The following POLH variants were observed in gnomAD, a reference collection of about 807,000 sequenced individuals.
POLH encodes DNA polymerase eta, also known as DNA polymerase eta transcript.
A neutral mutation model predicts 73.6 loss-of-function variants in POLH; 53 were observed. The observed-to-expected ratio is 0.72, with a 90% CI of 0.58 to 0.91. The LOEUF is 0.91. Among genes scored for constraint, POLH ranks in the 40% least tolerant of loss-of-function variants. POLH has a pLI of 0.00. For missense variants in POLH, 768 were observed against 865.4 expected (o/e 0.89, Z 1.41); for synonymous variants, 292 against 308.5 (o/e 0.95, Z 0.56).
rs892095647 is a variant in POLH, at chr6:43,620,459, A to G, written c.*5902A>G. 18 of 365,130 alleles carry G rather than the reference A, an allele frequency of 4.9e-5. No individual in the cohort carries two copies. The highest frequency in any genetic ancestry group is 3.9e-4 in the South Asian group (18 of 46,696). The allele number at this position is 365,130 out of a possible 1,614,324, so 22.6% of individuals were successfully genotyped here. The stretch of plus-strand genomic sequence containing the variant: ...GAAGAGGTATCTAGCCCTGGAAGGA[A>G]GCTGAGCCTGTAGCTAACGCATAAG... On this transcript the variant is annotated 3_prime_UTR_variant, in exon 11 of 11. Coordinates refer to ENST00000372236, the MANE Select transcript of POLH (RefSeq NM_006502.3).
Position 43,614,139 on chromosome 6 carries a change from T to C in POLH, c.1724T>C (p.Val575Ala). The stretch of plus-strand genomic sequence containing the variant: ...TTACCAACAGAGTATCCAGGGTGTG[T>C]CCCTGTTTGTGAAGGGGTGTCGAAG... ...NSLPTEYPGC[V>A]PVCEGVSKLE... The change falls in exon 11 of 11, where the codon GTC (valine) becomes GCC (alanine). Residue 575 changes from valine (V) to alanine (A), a missense_variant. Val to Ala is a moderately conservative substitution (Grantham distance 64). Transcript: ENST00000372236. 1.9e-6 allele frequency: 3 copies of C among 1,614,224 alleles called. No homozygotes were observed. The highest frequency in any genetic ancestry group is 2.5e-6 in the Non-Finnish European group (3 of 1,180,046).
intron 6 of POLH, among the ~76,000 whole-genome samples, chr6:43,602,392 A>G (rs1294066705): frequency 1.3e-5 from 2 of 152,250 alleles, no homozygotes; most frequent in African/African-American, 2.4e-5. Context: ...CAGTAGAACA[A>G]ACTTCACAAA....
intron 5 of POLH, 119 bp from the exon 6 acceptor site, chr6:43,600,868 TG>T (rs1351603716): frequency 7.9e-6 from 6 of 759,046 alleles, no homozygotes; most frequent in Admixed American, 3.8e-5. Context: ...TTGTTTTTAA[TG>T]TAGAAACCAT....
chr6:43,579,705 G>C (rs1763792487), intron 1 of POLH, among the ~76,000 whole-genome samples: 1 of 152,116 alleles, frequency 6.6e-6, no homozygotes, highest in African/African-American at 2.4e-5. Flanking sequence ...AGAAGTAGGG[G>C]GCAGTCTTGT....
Position 43,604,717 on chromosome 6 carries a change from A to T in POLH, c.987A>T (p.Thr329=). ...IGCSKNFPGK[T]ALATREQVQW... is the part of the protein sequence containing the mutation. ...GTAGTAAGAACTTCCCAGGAAAAAC[A>T]GCTCTTGCTACTCGGGAACAGGTAA... is the stretch of plus-strand genomic sequence containing the variant. Residue 329 remains threonine (T), a synonymous_variant, in exon 8 of 11, where the codon ACA becomes ACT. Coordinates refer to ENST00000372236, the MANE Select transcript of POLH (RefSeq NM_006502.3). 1 of 1,614,160 alleles carries T rather than the reference A, an allele frequency of 6.2e-7. No homozygotes were observed. The highest frequency in any genetic ancestry group is 8.5e-7 in the Non-Finnish European group (1 of 1,180,010).
chr6:43,605,443 CTTTTTTTTTTTTTT>C (rs540143863), intron 9 of POLH, 124 bp downstream of exon 9: 10 of 296,254 alleles, frequency 3.4e-5, no homozygotes, highest in African/African-American at 3.2e-4. Flanking sequence ...CGTTTTCTTT[CTTTTTTTTTTTTTT>C]TTTTTTTTTT....
chr6:43,578,482 T>G (rs1274997760), intron 1 of POLH: 1 of 422,290 alleles, frequency 2.4e-6, no homozygotes, highest in Non-Finnish European at 4.7e-6. Context: ...ATCAGTAGTA[T>G]TTAAAGCAGC....
At chr6:43,584,970 G>A (rs1764641747) in intron 3 of POLH, among the ~76,000 whole-genome samples, 1 of 151,912 alleles carries the variant, frequency 6.6e-6, no homozygotes, top group Non-Finnish European at 1.5e-5. Flanking sequence ...GTAAGACCTC[G>A]TCTCTACCAA....
intron 3 of POLH, 77 bp from the exon 4 acceptor site, chr6:43,587,195 G>A: frequency 9.8e-7 from 1 of 1,018,214 alleles, no homozygotes; most frequent in Non-Finnish European, 1.6e-6. Flanking sequence ...GTTCATTATG[G>A]CAGGGTGGGA....
intron 9 of POLH, among the ~76,000 whole-genome samples, chr6:43,609,074 A>G (rs1027116954): frequency 3.9e-5 from 6 of 152,086 alleles, no homozygotes; most frequent in Non-Finnish European, 8.8e-5. Context: ...TGATTTATTC[A>G]AATCTCTGTG....
In POLH at chr6:43,615,642, C is replaced by G. The variant is rs1768271579; in HGVS notation, c.*1085C>G. On this transcript the variant is annotated 3_prime_UTR_variant, in exon 11 of 11. Coordinates refer to ENST00000372236, the MANE Select transcript of POLH (RefSeq NM_006502.3). ...AGGGTTTTAAATGTAATGAGACTTG[C>G]ATAGTTAAAAAAAAAAAAGGGATTA... is the stretch of plus-strand genomic sequence containing the variant. 6.7e-6 allele frequency: 1 copy of G among 150,314 alleles called. No individual in the cohort carries two copies. The highest frequency in any genetic ancestry group is 2.4e-5 in the African/African-American group (1 of 40,826). 9.3% of individuals were successfully genotyped at this position (150,314 alleles called of 1,614,324 possible).
chr6:43,612,013 G>A (rs112385200), intron 10 of POLH, among the ~76,000 whole-genome samples: 2,841 of 152,096 alleles, frequency 0.019, 35 homozygotes, highest in South Asian at 0.04. Context: ...CCGAGATTGC[G>A]CCATTGCACT....
chr6:43,580,722 C>A (rs1447838625), intron 1 of POLH, among the ~76,000 whole-genome samples: 8 of 134,800 alleles, frequency 5.9e-5, no homozygotes, highest in Admixed American at 5.7e-4. Flanking sequence ...GGGGCCGACA[C>A]CCCCACCTCC....
rs1257455238 is a variant in POLH, at chr6:43,618,398, C to T, written c.*3841C>T. Among the ~76,000 whole-genome samples the T allele has an allele frequency of 3.3e-5, 5 of 152,200 alleles. No homozygotes were observed. The highest frequency in any genetic ancestry group is 4.2e-4 in the South Asian group (2 of 4,814). ...CTCTATCTAGACCTCGTGATCCATC[C>T]GCCTCGGCCTCCCAAAGTGCTGGGA... On this transcript the variant is annotated 3_prime_UTR_variant, in exon 11 of 11. Coordinates refer to ENST00000372236, the MANE Select transcript of POLH (RefSeq NM_006502.3).
chr6:43,611,631 G>T (rs1313060223), intron 10 of POLH, among the ~76,000 whole-genome samples: 2 of 152,040 alleles, frequency 1.3e-5, no homozygotes, highest in African/African-American at 4.8e-5. Context: ...TAAGTCAGTT[G>T]CTCACTTACA....
intron 3 of POLH, 115 bp from the exon 4 acceptor site, chr6:43,587,157 C>A: frequency 1.2e-6 from 1 of 834,466 alleles, no homozygotes; most frequent in Non-Finnish European, 2.1e-6. Flanking sequence ...TCTGTTAAGC[C>A]ACATGTCTCT....
chr6:43,612,481 G>T (rs1767996501), intron 10 of POLH, among the ~76,000 whole-genome samples: 1 of 151,314 alleles, frequency 6.6e-6, no homozygotes, highest in African/African-American at 2.4e-5. Context: ...TGAGTAGCTG[G>T]GATTACAGGT....
At position 43,582,440 on chromosome 6, in the gene POLH, T is replaced by A; in HGVS notation, c.121T>A (p.Ser41Thr). ...ACCTTGTGCAGTTGTACAGTACAAATCATGGAAGGGTGGTGGGTATGTATC... is the reference window on the plus strand; with the variant it reads ...ACCTTGTGCAGTTGTACAGTACAAAACATGGAAGGGTGGTGGGTATGTATC... ...NKPCAVVQYK[S>T]WKGGGIIAVS... The change falls in exon 2 of 11, where the codon TCA (serine) becomes ACA (threonine). Residue 41 changes from serine to threonine, a missense_variant. Coordinates refer to ENST00000372236, the MANE Select transcript of POLH (RefSeq NM_006502.3). The A allele has an allele frequency of 1.2e-6, 2 of 1,613,984 alleles. No individual in the cohort carries two copies. The highest frequency in any genetic ancestry group is 1.7e-6 in the Non-Finnish European group (2 of 1,179,864).
chr6:43,579,412 A>G (rs893941514), intron 1 of POLH, among the ~76,000 whole-genome samples: 4 of 152,340 alleles, frequency 2.6e-5, no homozygotes, highest in East Asian at 3.9e-4. Context: ...TGCCTATCCA[A>G]TGAAGTTTCC....
Sources: allele counts gnomAD v4.1 joint callset (sites outside exome capture counted in the v4.1 genomes callset), GRCh38; gene constraint gnomAD v4.1.1; transcripts MANE v1.5; gene names NCBI Gene and HGNC (gene_info 2026-07-23, HGNC 2026-07-21).